RGS7: variants seen among roughly 807,000 people sequenced by gnomAD.
RGS7 encodes the protein regulator of G protein signaling 7.
In RGS7, 27 loss-of-function variants were observed where a neutral mutation model predicts 81.1. The ratio of observed to expected loss-of-function variants is 0.33; its 90% CI spans 0.25 to 0.46. The LOEUF is 0.46. Ranked by LOEUF, RGS7 falls within the 20% of genes least tolerant of loss-of-function variation. RGS7 has a pLI of 1.00. For synonymous variants in RGS7, 208 were observed against 207.7 expected (o/e 1.00, Z -0.01); for missense variants, 396 against 607.4 (o/e 0.65, Z 3.66).
intron 6 of RGS7, among the ~76,000 whole-genome samples, chr1:240,888,611 T>C (rs1215706984): frequency 2.6e-5 from 4 of 152,354 alleles, no homozygotes; most frequent in African/African-American, 7.2e-5. Flanking sequence ...CCAAAATTTA[T>C]TGAATGCTTT....
At chr1:240,803,682 A>T (rs577156302) in intron 15 of RGS7, among the ~76,000 whole-genome samples, 135 of 151,022 alleles carry the variant, frequency 8.9e-4, no homozygotes, top group Middle Eastern at 3.5e-3. Flanking sequence ...AAAAAAAAGG[A>T]AAAAGGTACT....
chr1:241,021,028 A>G (rs1437225243), intron 3 of RGS7, among the ~76,000 whole-genome samples: 2 of 152,224 alleles, frequency 1.3e-5, no homozygotes, highest in Non-Finnish European at 2.9e-5. Context: ...ATGCTGACAG[A>G]AAGACTCACG....
intron 13 of RGS7, 50 bp downstream of exon 13, chr1:240,813,568 G>C: frequency 8.9e-7 from 1 of 1,118,606 alleles, no homozygotes; most frequent in Non-Finnish European, 1.4e-6. Context: ...ATTTCACTCA[G>C]ACCCTGAAAT....
intron 2 of RGS7, among the ~76,000 whole-genome samples, chr1:241,295,183 T>C (rs747709034): frequency 2.2e-4 from 34 of 152,156 alleles, no homozygotes; most frequent in Non-Finnish European, 4.3e-4. Context: ...GTGCGGTGGC[T>C]CACGCCTGTA....
chr1:241,256,441 AG>A (rs911544521), intron 2 of RGS7, among the ~76,000 whole-genome samples: 2 of 152,220 alleles, frequency 1.3e-5, no homozygotes, highest in African/African-American at 4.8e-5. Flanking sequence ...ATTGAGGATG[AG>A]GATCCACCAT....
At chr1:241,306,182 C>A (rs1390193069) in intron 2 of RGS7, among the ~76,000 whole-genome samples, 1 of 146,234 alleles carries the variant, frequency 6.8e-6, no homozygotes, top group Admixed American at 6.8e-5. Flanking sequence ...ACACACCCTC[C>A]CATGCACAAA....
intron 3 of RGS7, among the ~76,000 whole-genome samples, chr1:241,076,153 T>C (rs992469079): frequency 2.6e-5 from 4 of 152,118 alleles, no homozygotes; most frequent in Non-Finnish European, 5.9e-5. Context: ...GTACCTGGCA[T>C]GATGTATGCA....
intron 6 of RGS7, among the ~76,000 whole-genome samples, chr1:240,929,255 C>A (rs1271734720): frequency 6.6e-6 from 1 of 152,128 alleles, no homozygotes; most frequent in Non-Finnish European, 1.5e-5. Flanking sequence ...ATTTCATATT[C>A]TTTAGTGAGA....
intron 2 of RGS7, among the ~76,000 whole-genome samples, chr1:241,181,332 T>C (rs1374303069): frequency 2.0e-5 from 3 of 152,232 alleles, no homozygotes; most frequent in East Asian, 3.8e-4. Context: ...GAAGTCTTTA[T>C]AGCTTCTCCT....
intron 4 of RGS7, among the ~76,000 whole-genome samples, chr1:240,950,412 A>G (rs1195308498): frequency 6.6e-6 from 1 of 152,228 alleles, no homozygotes; most frequent in East Asian, 1.9e-4. Flanking sequence ...CATTTCTCCA[A>G]CTACAGTCCC....
chr1:241,355,000 A>G (rs953340940), intron 2 of RGS7, among the ~76,000 whole-genome samples: 10 of 151,786 alleles, frequency 6.6e-5, no homozygotes, highest in African/African-American at 2.4e-4. Context: ...ATGGTTGCTC[A>G]GTGTCTAAAA....
At chr1:240,816,000 G>A (rs565243841) in intron 11 of RGS7, among the ~76,000 whole-genome samples, 57 of 152,298 alleles carry the variant, frequency 3.7e-4, no homozygotes, top group Admixed American at 6.5e-4. Context: ...GAGAGCTTTG[G>A]AGTACAAAGT....
At chr1:241,236,819 T>A (rs2076004971) in intron 2 of RGS7, among the ~76,000 whole-genome samples, 1 of 136,398 alleles carries the variant, frequency 7.3e-6, no homozygotes, top group Admixed American at 7.2e-5. Flanking sequence ...GGACTCAACA[T>A]AATTCTAGGA....
chr1:240,835,731 C>A (rs1032447043), intron 9 of RGS7, among the ~76,000 whole-genome samples: 3 of 151,950 alleles, frequency 2.0e-5, no homozygotes, highest in African/African-American at 7.3e-5. Context: ...TACACCCAGA[C>A]AATGGAATAT....
intron 2 of RGS7, among the ~76,000 whole-genome samples, chr1:241,193,480 C>T (rs1345960884): frequency 6.6e-6 from 1 of 152,210 alleles, no homozygotes; most frequent in East Asian, 1.9e-4. Flanking sequence ...TACTGTGTCT[C>T]ATCTAGCTGA....
In RGS7 at chr1:241,086,796, T is replaced by A. The variant is rs576245224; in HGVS notation, c.175+11870A>T. On this transcript the variant is annotated intron_variant, in intron 3 of 18. Coordinates refer to ENST00000440928, the MANE Select transcript of RGS7 (RefSeq NM_001364886.1). ...CCCTCTGCACTTTCCAAACACCTCA[T>A]CCTGTGCAAAGGTCACGCGACAATA... Among the ~76,000 whole-genome samples, 4 of 152,268 alleles carry A rather than the reference T, an allele frequency of 2.6e-5. No homozygotes were observed. The East Asian group carries it at 7.7e-4, about 29-fold the overall frequency.
intron 4 of RGS7, among the ~76,000 whole-genome samples, chr1:240,966,818 C>T (rs903145647): frequency 9.2e-5 from 14 of 152,156 alleles, no homozygotes; most frequent in Admixed American, 2.6e-4. Context: ...CCAGTTACAG[C>T]TTAAACTATG....
chr1:241,283,978 C>A (rs1425348713), intron 2 of RGS7, among the ~76,000 whole-genome samples: 4 of 152,012 alleles, frequency 2.6e-5, no homozygotes, highest in African/African-American at 9.7e-5. Flanking sequence ...CTTTTTTGTA[C>A]CTTATATTTC....
chr1:241,207,022 G>A (rs2073944509), intron 2 of RGS7, among the ~76,000 whole-genome samples: 3 of 124,910 alleles, frequency 2.4e-5, no homozygotes, highest in East Asian at 2.7e-4. Flanking sequence ...AGGCTGGAGT[G>A]CAGTGGTGCG....
Sources: allele counts gnomAD v4.1 joint callset (sites outside exome capture counted in the v4.1 genomes callset), GRCh38; gene constraint gnomAD v4.1.1; transcripts MANE v1.5; gene names NCBI Gene and HGNC (gene_info 2026-07-23, HGNC 2026-07-21).